Variants in ARFGEF1 observed in about 807,000 individuals in gnomAD.
ARFGEF1 encodes ARF guanine nucleotide exchange factor 1.
A neutral mutation model predicts 231.0 loss-of-function variants in ARFGEF1; 42 were observed. The observed-to-expected ratio is 0.18, with a 90% CI of 0.14 to 0.24. ARFGEF1 has a LOEUF of 0.24. Ranked by LOEUF, ARFGEF1 falls within the 10% of genes least tolerant of loss-of-function variation. ARFGEF1 has a pLI of 1.00. For missense variants in ARFGEF1, 1,345 were observed against 2,192.0 expected (o/e 0.61, Z 7.72); for synonymous variants, 710 against 732.3 (o/e 0.97, Z 0.49).
At chr8:67,301,411 G>GT (rs759976838) in intron 2 of ARFGEF1, 31 bp from the exon 3 acceptor site, 47 of 1,576,412 alleles carry the variant, frequency 3.0e-5, no homozygotes, top group Non-Finnish European at 3.9e-5. Context: ...TGATTATAGC[G>GT]TATCACATTT....
Position 67,295,803 on chromosome 8 carries a change from A to C in ARFGEF1, c.639+628T>G, listed in dbSNP as rs562274702. Among the ~76,000 whole-genome samples the C allele has an allele frequency of 1.1e-4, 17 of 152,294 alleles. No individual in the cohort carries two copies. The East Asian group carries it at 3.3e-3, about 29-fold the overall frequency. On this transcript the variant is annotated intron_variant, in intron 5 of 38. Transcript: ENST00000262215. ...GATAATTGTACTATGTAGGTATGTA[A>C]GTTAACTGCATTAAGGGAACCAGGG...
At chr8:67,302,101 A>G (rs972061815) in intron 2 of ARFGEF1, among the ~76,000 whole-genome samples, 2 of 151,992 alleles carry the variant, frequency 1.3e-5, no homozygotes, top group African/African-American at 4.8e-5. Context: ...CGGCAGGCTG[A>G]GGTGGAAGGA....
Position 67,267,428 on chromosome 8 carries a change from T to G in ARFGEF1, c.1587A>C (p.Glu529Asp). 1 of 1,605,032 alleles carries G rather than the reference T, an allele frequency of 6.2e-7. No individual in the cohort carries two copies. The highest frequency in any genetic ancestry group is 8.5e-7 in the Non-Finnish European group (1 of 1,174,124). ...LKMQIEVFFK[E>D]IFLYILETST... ...AAGTTTCCAAAATGTATAAGAAAAT[T>G]TCTTTAAAGAACACCTGTGATTAGG... The change falls in exon 11 of 39, where the codon GAA becomes GAC. Residue 529 changes from glutamate to aspartate, a missense_variant. Glu to Asp is a conservative substitution (Grantham distance 45). Transcript: ENST00000262215.
intron 1 of ARFGEF1, among the ~76,000 whole-genome samples, chr8:67,335,527 A>C (rs1189735655): frequency 3.3e-5 from 5 of 152,184 alleles, no homozygotes; most frequent in Non-Finnish European, 5.9e-5. Context: ...ACTGAGTAAA[A>C]GCCATAGAGA....
intron 5 of ARFGEF1, among the ~76,000 whole-genome samples, chr8:67,180,680 C>T (rs1832785637): frequency 6.6e-6 from 1 of 152,078 alleles, no homozygotes; most frequent in South Asian, 2.1e-4. Context: ...TTGAGTTTTG[C>T]AAAATGTTAC....
At chr8:67,236,365 A>AAAAAATATAT (rs1554638966) in intron 22 of ARFGEF1, among the ~76,000 whole-genome samples, 1 of 29,068 alleles carries the variant, frequency 3.4e-5, no homozygotes, top group Non-Finnish European at 5.9e-5. Context: ...AAAAAAAAAA[A>AAAAAATATAT]ATATATATAT....
intron 16 of ARFGEF1, 63 bp downstream of exon 16, chr8:67,258,022 A>G (rs779059400): frequency 1.5e-5 from 22 of 1,439,756 alleles, no homozygotes; most frequent in Non-Finnish European, 2.1e-5. Context: ...AAATCCCTGG[A>G]TGCTACCTAG....
chr8:67,276,003 G>A lies in ARFGEF1; in HGVS notation c.1310C>T (p.Pro437Leu). The A allele has an allele frequency of 1.2e-6, 2 of 1,613,232 alleles. No homozygotes were observed. Among genetic ancestry groups the A allele is most frequent in the Non-Finnish European group, 1.7e-6 (2 of 1,179,498 alleles). The change falls in exon 9 of 39, where the codon CCA (proline) becomes CTA (leucine). Residue 437 changes from proline (P) to leucine (L), a missense_variant. By Grantham distance (98) the Pro-to-Leu change is moderately conservative. Coordinates refer to ENST00000262215, the MANE Select transcript of ARFGEF1 (RefSeq NM_006421.5). ...FRSLCKLSMK[P>L]LSDGPPDPKS... ...TGGATCTGGTGGTCCATCTGACAGT[G>A]GTTTCATTGACAGTTTACACAATGA...
chr8:67,296,608 A>T lies in ARFGEF1; in HGVS notation c.462T>A (p.Ala154=). Residue 154 remains alanine, a splice_region_variant and synonymous_variant, in exon 5 of 39, where the codon GCT becomes GCA. Transcript: ENST00000262215. ...DEGVQLQIIK[A]LLTAVTSQHI... is the part of the protein sequence containing the mutation. ...GTTGTGATGTTACTGCAGTAAGTAA[A>T]GCCTTTAAGAAAAAAAAAGGAAAAA... 6.4e-7 allele frequency: 1 copy of T among 1,567,392 alleles called. No homozygotes were observed. The highest frequency in any genetic ancestry group is 8.6e-7 in the Non-Finnish European group (1 of 1,161,438).
At chr8:67,175,938 C>CT (rs1831515266) in intron 5 of ARFGEF1, among the ~76,000 whole-genome samples, 1 of 152,184 alleles carries the variant, frequency 6.6e-6, no homozygotes, top group Non-Finnish European at 1.5e-5. Flanking sequence ...ACTAGGAGTG[C>CT]AGGTACTGGC....
chr8:67,313,294 T>A (rs996271535), intron 1 of ARFGEF1, among the ~76,000 whole-genome samples: 3 of 152,168 alleles, frequency 2.0e-5, no homozygotes, highest in Admixed American at 1.3e-4. Flanking sequence ...AAATCAGGGA[T>A]TTCTTCTTGG....
At chr8:67,180,548 AAAT>A (rs891969270) in intron 5 of ARFGEF1, among the ~76,000 whole-genome samples, 16 of 152,242 alleles carry the variant, frequency 1.1e-4, no homozygotes, top group South Asian at 2.1e-4. Flanking sequence ...ATGGGAAATA[AAAT>A]AATAATAATA....
chr8:67,201,195 C>G (rs566220873), intron 37 of ARFGEF1, among the ~76,000 whole-genome samples: 1 of 152,030 alleles, frequency 6.6e-6, no homozygotes, highest in African/African-American at 2.4e-5. Context: ...ATGGGACTAT[C>G]TTATGACATT....
chr8:67,222,245 ATGTATGTATG>A (rs1839218254), intron 29 of ARFGEF1, among the ~76,000 whole-genome samples: 1 of 137,128 alleles, frequency 7.3e-6, no homozygotes, highest in African/African-American at 2.7e-5. Context: ...GTATGTATGT[ATGTATGTATG>A]TATGTATGTA....
intron 29 of ARFGEF1, among the ~76,000 whole-genome samples, chr8:67,220,060 A>T (rs1839094690): frequency 6.6e-6 from 1 of 152,252 alleles, no homozygotes; most frequent in African/African-American, 2.4e-5. Context: ...CTAAGGCATA[A>T]GCTCCATGAG....
At chr8:67,277,112 G>A (rs777773292) in intron 8 of ARFGEF1, among the ~76,000 whole-genome samples, 170 bp downstream of exon 8, 2 of 151,854 alleles carry the variant, frequency 1.3e-5, no homozygotes, top group East Asian at 1.9e-4. Flanking sequence ...GGAAAAAATC[G>A]CTGTAATTTA....
intron 1 of ARFGEF1, among the ~76,000 whole-genome samples, chr8:67,336,901 C>T (rs1048601107): frequency 1.3e-5 from 2 of 151,838 alleles, no homozygotes; most frequent in Non-Finnish European, 2.9e-5. Flanking sequence ...GAGGCCAAGG[C>T]AGGAGGATCA....
intron 1 of ARFGEF1, among the ~76,000 whole-genome samples, chr8:67,337,938 T>C (rs991027691): frequency 3.3e-5 from 5 of 152,258 alleles, no homozygotes; most frequent in Non-Finnish European, 5.9e-5. Context: ...AAATATCTGA[T>C]TGAAATATAT....
intron 7 of ARFGEF1, among the ~76,000 whole-genome samples, chr8:67,278,150 G>A (rs1805387732): frequency 6.6e-6 from 1 of 151,968 alleles, no homozygotes; most frequent in South Asian, 2.1e-4. Context: ...AACTAATCTA[G>A]GTATAATGAA....
Sources: allele counts gnomAD v4.1 joint callset (sites outside exome capture counted in the v4.1 genomes callset), GRCh38; gene constraint gnomAD v4.1.1; transcripts MANE v1.5; gene names NCBI Gene and HGNC (gene_info 2026-07-23, HGNC 2026-07-21).